SYN3: variants seen among roughly 807,000 people sequenced by gnomAD.
The protein encoded by SYN3 is synapsin-3.
SYN3 carries 35 observed loss-of-function variants against 65.8 expected under a neutral mutation model. The ratio of observed to expected loss-of-function variants is 0.53; its 90% CI spans 0.41 to 0.70. The LOEUF (loss-of-function observed/expected upper bound fraction) is 0.70. Among genes scored for constraint, SYN3 ranks in the 30% least tolerant of loss-of-function variants. The probability of loss-of-function intolerance (pLI) is 0.00; values close to 1 mark genes in which losing one functional copy is unlikely to be tolerated. For missense variants in SYN3, 680 were observed against 749.0 expected (o/e 0.91, Z 1.08); for synonymous variants, 270 against 292.9 (o/e 0.92, Z 0.80).
intron 5 of SYN3, among the ~76,000 whole-genome samples, chr22:32,866,351 A>C (rs1460609880): frequency 1.3e-5 from 2 of 152,202 alleles, no homozygotes; most frequent in African/African-American, 4.8e-5. Flanking sequence ...CAGGGAGTCA[A>C]CTTCGAGGGT....
At chr22:32,514,180 A>G (rs924616085) in intron 13 of SYN3, among the ~76,000 whole-genome samples, 1 of 152,254 alleles carries the variant, frequency 6.6e-6, no homozygotes, top group East Asian at 1.9e-4. Flanking sequence ...TCTCCTGCCT[A>G]TGGGTACAAA....
intron 7 of SYN3, among the ~76,000 whole-genome samples, chr22:32,545,150 T>G (rs79676925): frequency 0.015 from 2,255 of 152,264 alleles, 67 homozygotes; most frequent in African/African-American, 0.052. Context: ...GTGGACCATC[T>G]TTGACAGTGT....
intron 4 of SYN3, among the ~76,000 whole-genome samples, chr22:32,917,068 G>A (rs1435856418): frequency 6.6e-6 from 1 of 152,144 alleles, no homozygotes; most frequent in Non-Finnish European, 1.5e-5. Flanking sequence ...GGGGTAGAGG[G>A]AACATTCAGA....
chr22:32,998,478 G>A (rs1291602003), intron 2 of SYN3, among the ~76,000 whole-genome samples: 1 of 152,218 alleles, frequency 6.6e-6, no homozygotes, highest in South Asian at 2.1e-4. Context: ...AGATCATTGC[G>A]GAAATGGAAG....
intron 6 of SYN3, among the ~76,000 whole-genome samples, chr22:32,641,881 T>C (rs905686326): frequency 6.6e-6 from 1 of 150,934 alleles, no homozygotes; most frequent in Non-Finnish European, 1.5e-5. Context: ...GGGGACCTCA[T>C]TGTTTGAGAA....
Position 32,510,984 on chromosome 22 carries a change from C to CGTGT in SYN3, c.*2704_*2707dup, listed in dbSNP as rs111308299. ...TGTCAATTCCAAGTTATTGTCCAGG[C>CGTGT]GTGTGTGTGTGTGTGTGTGTGTGTG... On this transcript the variant is annotated 3_prime_UTR_variant, in exon 14 of 14. Coordinates refer to ENST00000358763, the MANE Select transcript of SYN3 (RefSeq NM_003490.4). Among the ~76,000 whole-genome samples the CGTGT allele has an allele frequency of 1.5e-3, 210 of 143,028 alleles. 1 individual carries two copies. Among genetic ancestry groups the CGTGT allele is most frequent in the East Asian group, 5.9e-3 (29 of 4,878 alleles). 93.8% of individuals were successfully genotyped at this position (143,028 alleles called of 152,430 possible).
intron 6 of SYN3, among the ~76,000 whole-genome samples, chr22:32,808,517 G>C (rs2046826506): frequency 1.3e-5 from 2 of 152,336 alleles, no homozygotes; most frequent in Non-Finnish European, 2.9e-5. Flanking sequence ...AAGCTCTTCA[G>C]TGGACTCTTA....
chr22:32,750,508 G>A (rs961194422), intron 6 of SYN3, among the ~76,000 whole-genome samples: 4 of 152,180 alleles, frequency 2.6e-5, no homozygotes, highest in African/African-American at 7.2e-5. Flanking sequence ...AGGTGGCAGC[G>A]GGTGTAGATC....
At chr22:33,040,130 TTTTTTTGTATTTTTAATATATA>T (rs67778073) in intron 1 of SYN3, among the ~76,000 whole-genome samples, 21,194 of 151,598 alleles carry the variant, frequency 0.14, 2,039 homozygotes, top group Non-Finnish European at 0.2. Context: ...CCCAGCTAAT[TTTTTTTGTATTTTTAATATATA>T]TTTTTTGTAT....
In SYN3 at chr22:32,587,170, C is replaced by T. The variant is rs188537348; in HGVS notation, c.774+9504G>A. 1.5e-3 allele frequency among the ~76,000 whole-genome samples: 211 copies of T among 144,362 alleles called. 1 individual carries two copies. The highest frequency in any genetic ancestry group is 1.2e-3 in the African/African-American group (48 of 38,572). 94.7% of individuals were successfully genotyped at this position (144,362 alleles called of 152,430 possible). ...CTGGGAGGCAGAGGTTGCAGTGAGCCGAGATCACACCACTGCACTCCAGCC... is the reference window on the plus strand; with the variant it reads ...CTGGGAGGCAGAGGTTGCAGTGAGCTGAGATCACACCACTGCACTCCAGCC... On this transcript the variant is annotated intron_variant, in intron 7 of 13. Transcript: ENST00000358763.
chr22:33,052,723 C>T (rs1478358555), intron 1 of SYN3, among the ~76,000 whole-genome samples: 1 of 152,228 alleles, frequency 6.6e-6, no homozygotes, highest in Non-Finnish European at 1.5e-5. Flanking sequence ...AAAGACATTA[C>T]ATCATCGGTC....
At chr22:32,875,309 G>A (rs2048954686) in intron 4 of SYN3, among the ~76,000 whole-genome samples, 1 of 152,188 alleles carries the variant, frequency 6.6e-6, no homozygotes, top group Non-Finnish European at 1.5e-5. Flanking sequence ...GTGCTAGGAG[G>A]TTAATAAAAC....
At chr22:32,640,050 C>T (rs2059873897) in intron 6 of SYN3, among the ~76,000 whole-genome samples, 1 of 152,194 alleles carries the variant, frequency 6.6e-6, no homozygotes, top group South Asian at 2.1e-4. Flanking sequence ...AACACACAGG[C>T]CACTCTTGCC....
chr22:33,036,407 G>A (rs2053860016), intron 1 of SYN3, among the ~76,000 whole-genome samples: 1 of 152,114 alleles, frequency 6.6e-6, no homozygotes, highest in Non-Finnish European at 1.5e-5. Flanking sequence ...AAAGCTCTCT[G>A]CCCTCCCTGT....
rs540167853 is a variant in SYN3, at chr22:32,818,961, AT to A, written c.711+45953del. Among the ~76,000 whole-genome samples the A allele has an allele frequency of 7.9e-5, 12 of 152,256 alleles. No homozygotes were observed. The East Asian group carries it at 2.3e-3, about 29-fold the overall frequency. On this transcript the variant is annotated intron_variant, in intron 6 of 13. Coordinates refer to ENST00000358763, the MANE Select transcript of SYN3 (RefSeq NM_003490.4). ...GCTACTCCTCGCCCCCTCCTGCATA[AT>A]TTCCTATTTCCTGCCTCCTCCTCCT...
chr22:32,848,509 T>C (rs1450968852), intron 6 of SYN3, among the ~76,000 whole-genome samples: 2 of 152,182 alleles, frequency 1.3e-5, no homozygotes, highest in Non-Finnish European at 2.9e-5. Flanking sequence ...GAAATGTACA[T>C]GGCACATAGT....
At chr22:32,637,430 A>G (rs1569112402) in intron 6 of SYN3, among the ~76,000 whole-genome samples, 2 of 152,064 alleles carry the variant, frequency 1.3e-5, no homozygotes, top group African/African-American at 4.8e-5. Flanking sequence ...AGGTATTATC[A>G]TTAATTTCCA....
chr22:32,773,494 G>T (rs2045828861), intron 6 of SYN3, among the ~76,000 whole-genome samples: 1 of 150,646 alleles, frequency 6.6e-6, no homozygotes, highest in Non-Finnish European at 1.5e-5. Flanking sequence ...TGGGGACAAA[G>T]ATCTGAGACG....
At chr22:32,605,932 TG>T (rs1345168257) in intron 6 of SYN3, among the ~76,000 whole-genome samples, 2 of 152,216 alleles carry the variant, frequency 1.3e-5, no homozygotes, top group East Asian at 3.8e-4. Context: ...AGTTTCCTCA[TG>T]CCCCAAATAG....
Sources: allele counts gnomAD v4.1 joint callset (sites outside exome capture counted in the v4.1 genomes callset), GRCh38; gene constraint gnomAD v4.1.1; transcripts MANE v1.5; gene names NCBI Gene and HGNC (gene_info 2026-07-23, HGNC 2026-07-21).